The following TLE3 variants were observed in gnomAD, a reference collection of about 807,000 sequenced individuals.
TLE3 encodes the protein TLE family member 3, transcriptional corepressor, also known as transducin-like enhancer protein 3.
In TLE3, 14 loss-of-function variants were observed where a neutral mutation model predicts 93.0. The observed-to-expected ratio is 0.15, with a 90% CI of 0.10 to 0.24. The LOEUF (loss-of-function observed/expected upper bound fraction) is 0.24. TLE3 is among the 10% of genes least tolerant of loss of function. TLE3 has a pLI of 1.00. For synonymous variants in TLE3, 451 were observed against 425.0 expected (o/e 1.06, Z -0.75); for missense variants, 693 against 1,046.6 (o/e 0.66, Z 4.66).
intron 8 of TLE3, among the ~76,000 whole-genome samples, chr15:70,063,086 G>A (rs917582138): frequency 6.6e-6 from 1 of 152,190 alleles, no homozygotes; most frequent in African/African-American, 2.4e-5. Flanking sequence ...TGCTAGCCAG[G>A]TAATCTGGAT....
chr15:70,055,809 C>A, intron 14 of TLE3: 1 of 232,568 alleles, frequency 4.3e-6, no homozygotes, highest in Non-Finnish European at 8.6e-6. Context: ...AGGACTGTGT[C>A]AGGCAGTGTC....
rs751273870 is a variant in TLE3 at position 70,066,035 on chromosome 15, G to T, written c.556C>A (p.His186Asn). The T allele has an allele frequency of 2.9e-5, 46 of 1,612,002 alleles. No homozygotes were observed. The highest frequency in any genetic ancestry group is 3.7e-5 in the Non-Finnish European group (44 of 1,178,880). ...GCACCTCTGTGATCGAGTTCATGGT[G>T]GTTCTTCTCATCCTTCACCGTCAGA... ...AHLTVKDEKN[H>N]HELDHRERES... Residue 186 changes from histidine (H) to asparagine (N), a missense_variant, in exon 7 of 20, where the codon CAC becomes AAC. Physicochemically the swap from His to Asn is moderately conservative, Grantham distance 68. This residue lies in a region of TLE3 where 405 missense variants were observed against 468.9 expected (regional missense o/e 0.86). Coordinates refer to ENST00000451782, the MANE Select transcript of TLE3 (RefSeq NM_001105192.3).
chr15:70,095,120 C>G (rs2058487543), intron 3 of TLE3, among the ~76,000 whole-genome samples: 1 of 152,136 alleles, frequency 6.6e-6, no homozygotes, highest in African/African-American at 2.4e-5. Context: ...CTCACAACAC[C>G]CTGGGGAAGG....
At chr15:70,072,971 T>G (rs948729555) in intron 6 of TLE3, among the ~76,000 whole-genome samples, 16 of 152,308 alleles carry the variant, frequency 1.1e-4, no homozygotes, top group African/African-American at 3.8e-4. Flanking sequence ...GTTTCAAGAC[T>G]CCTCTCTGCC....
chr15:70,065,332 G>T (rs955759815), intron 7 of TLE3, among the ~76,000 whole-genome samples: 7 of 152,264 alleles, frequency 4.6e-5, no homozygotes, highest in African/African-American at 1.7e-4. Flanking sequence ...CTGAGGCCAA[G>T]CTCGGTGCAG....
Position 70,082,907 on chromosome 15 carries a change from A to C in TLE3, c.235-6749T>G, listed in dbSNP as rs534779113. Among the ~76,000 whole-genome samples, 13 of 152,266 alleles carry C rather than the reference A, an allele frequency of 8.5e-5. 1 individual carries two copies. The highest frequency in any genetic ancestry group is 7.7e-4 in the East Asian group (4 of 5,178). On this transcript the variant is annotated intron_variant, in intron 4 of 19. Transcript: ENST00000451782. Reference sequence around the variant, plus strand: ...GCTGGGGTTGGGACGACCCTTCTGCACACTTCCCTGAAAGGAATCCCACCT... The same window carrying C: ...GCTGGGGTTGGGACGACCCTTCTGCCCACTTCCCTGAAAGGAATCCCACCT...
rs751273468 is a variant in TLE3, at chr15:70,053,220, C to T, written c.1974+7G>A. 6 of 1,606,888 alleles carry T rather than the reference C, an allele frequency of 3.7e-6. No homozygotes were observed. The highest frequency in any genetic ancestry group is 4.5e-5 in the East Asian group (2 of 44,656). On this transcript the variant is annotated splice_region_variant and intron_variant, in intron 17 of 19. Coordinates refer to ENST00000451782, the MANE Select transcript of TLE3 (RefSeq NM_001105192.3). ...CTTTGGGAAGGGAGGAGTCTTGGGC[C>T]GCACACCTGGGAAGTGAAGTCATGC...
At chr15:70,094,297 G>C (rs2058445404) in intron 4 of TLE3, among the ~76,000 whole-genome samples, 1 of 151,782 alleles carries the variant, frequency 6.6e-6, no homozygotes, top group South Asian at 2.1e-4. Context: ...CCTCCACCGA[G>C]ATCCAAGACC....
Position 70,058,031 on chromosome 15 carries a change from C to CA in TLE3, c.1051+127dup. On this transcript the variant is annotated intron_variant, in intron 12 of 19. Coordinates refer to ENST00000451782, the MANE Select transcript of TLE3 (RefSeq NM_001105192.3). This position sits in a 1 kb window ranked among gnomAD's most constrained non-coding sequence, Gnocchi z 4.1. ...TCCTCAAATCTGACCGTGAAGTCCCCAGGGGCAGGCCCTGGGAGACACTGC... is the reference window on the plus strand; with the variant it reads ...TCCTCAAATCTGACCGTGAAGTCCCCAAGGGGCAGGCCCTGGGAGACACTGC... The CA allele has an allele frequency of 1.4e-6, 2 of 1,441,288 alleles. No individual in the cohort carries two copies. The allele number at this position is 1,441,288 out of a possible 1,614,324, so 89.3% of individuals were successfully genotyped here.
At position 70,097,462 on chromosome 15, in the gene TLE3, CGCCGCCGCCGCT is replaced by C; in HGVS notation, c.-676_-665del. ...CGTCTGCTACTGCCGCTGCCGCCGC[CGCCGCCGCCGCT>C]GCAAGCCCTTCCCAGGGCCGGGGAG... On this transcript the variant is annotated 5_prime_UTR_variant, in exon 1 of 20. Transcript: ENST00000451782. The C allele has an allele frequency of 2.4e-6, 1 of 417,426 alleles. No homozygotes were observed. Among genetic ancestry groups the C allele is most frequent in the Non-Finnish European group, 4.2e-6 (1 of 238,348 alleles). The allele number at this position is 417,426 out of a possible 1,614,324, so 25.9% of individuals were successfully genotyped here. A position where few individuals can be genotyped will look rare whatever the true frequency, so the allele number is the denominator to read the frequency against.
At chr15:70,052,658 T>C in intron 17 of TLE3, 134 bp from the exon 18 acceptor site, 1 of 955,492 alleles carries the variant, frequency 1.0e-6, no homozygotes, top group Non-Finnish European at 1.5e-6. Flanking sequence ...CCCAGGAGTA[T>C]GGGAGGTCAT....
At chr15:70,077,979 A>G (rs762138345) in intron 4 of TLE3, among the ~76,000 whole-genome samples, 3 of 152,190 alleles carry the variant, frequency 2.0e-5, no homozygotes, top group Non-Finnish European at 4.4e-5. Flanking sequence ...AGGGTTTCTC[A>G]AACACCATGC....
chr15:70,095,963 C>A, intron 2 of TLE3, 198 bp downstream of exon 2: 2 of 716,060 alleles, frequency 2.8e-6, no homozygotes, highest in South Asian at 2.0e-5. Context: ...ACCCCACGGG[C>A]GGCGCTGGGA....
chr15:70,072,856 G>A (rs868599123), intron 6 of TLE3, among the ~76,000 whole-genome samples: 1 of 152,208 alleles, frequency 6.6e-6, no homozygotes, highest in Admixed American at 6.5e-5. Flanking sequence ...CAAGGTTGAC[G>A]ATCCCCGGGC....
chr15:70,059,328 A>C, intron 10 of TLE3, 82 bp downstream of exon 10: 1 of 1,498,128 alleles, frequency 6.7e-7, no homozygotes, highest in East Asian at 2.5e-5. Context: ...ACTAGAACAG[A>C]CAGAATAGAT....
At chr15:70,096,284 A>AGGGGAG in intron 1 of TLE3, 23 bp from the exon 2 acceptor site, 2 of 1,529,094 alleles carry the variant, frequency 1.3e-6, no homozygotes, top group Admixed American at 4.0e-5. Flanking sequence ...AAGACAAGAC[A>AGGGGAG]GGGGAGGGGG....
intron 6 of TLE3, among the ~76,000 whole-genome samples, chr15:70,072,876 T>A (rs2057255449): frequency 6.6e-6 from 1 of 152,220 alleles, no homozygotes; most frequent in Admixed American, 6.5e-5. Flanking sequence ...CTAGATGATC[T>A]CTGATGATAC....
At chr15:70,068,887 A>G (rs142529066) in intron 6 of TLE3, among the ~76,000 whole-genome samples, 1 of 152,318 alleles carries the variant, frequency 6.6e-6, no homozygotes, top group African/African-American at 2.4e-5. Flanking sequence ...CTCTAACGGC[A>G]CAGACAATGG....
chr15:70,078,565 T>C (rs1294181820), intron 4 of TLE3, among the ~76,000 whole-genome samples: 1 of 152,252 alleles, frequency 6.6e-6, no homozygotes, highest in Non-Finnish European at 1.5e-5. Flanking sequence ...AGACTTCATA[T>C]TGCAGTGACC....
Sources: gnomAD v4.1 joint callset for allele counts (sites outside exome capture counted in the v4.1 genomes callset) on GRCh38, gnomAD v4.1.1 for gene constraint, gnomAD v4.1.1 regional missense constraint, Gnocchi (gnomAD v3.1) non-coding constraint, MANE v1.5 for transcripts, NCBI Gene and HGNC (gene_info 2026-07-23, HGNC 2026-07-21) for gene names.